Variants in COL21A1 observed in about 807,000 individuals in gnomAD.
COL21A1 encodes the protein collagen alpha-1(XXI) chain.
A neutral mutation model predicts 137.9 loss-of-function variants in COL21A1; 149 were observed. The observed-to-expected ratio is 1.08, with a 90% CI of 0.95 to 1.24. The LOEUF (loss-of-function observed/expected upper bound fraction) is 1.24, where lower values mean the gene tolerates loss of function less well. Ranked by LOEUF, COL21A1 falls within the 50% of genes most tolerant of loss-of-function variation. The pLI is 0.00. For synonymous variants in COL21A1, 456 were observed against 391.5 expected (o/e 1.16, Z -1.95); for missense variants, 1,167 against 1,158.4 (o/e 1.01, Z -0.11).
At chr6:56,267,384 C>T (rs1763415795) in intron 1 of COL21A1, among the ~76,000 whole-genome samples, 1 of 152,016 alleles carries the variant, frequency 6.6e-6, no homozygotes, top group South Asian at 2.1e-4. Context: ...AGAGATGAGC[C>T]CAGCAACTTG....
intron 9 of COL21A1, among the ~76,000 whole-genome samples, chr6:56,163,198 A>G (rs916363403): frequency 6.6e-6 from 1 of 152,252 alleles, no homozygotes; most frequent in Non-Finnish European, 1.5e-5. Context: ...AAAAATGATT[A>G]TGGTCGCTTC....
chr6:56,287,581 C>T (rs1482950240), intron 1 of COL21A1, among the ~76,000 whole-genome samples: 1 of 152,062 alleles, frequency 6.6e-6, no homozygotes, highest in African/African-American at 2.4e-5. Flanking sequence ...TTCCTCTTCG[C>T]CTTTACCATG....
chr6:56,186,270 G>A (rs558327724), intron 1 of COL21A1, among the ~76,000 whole-genome samples: 1 of 152,156 alleles, frequency 6.6e-6, no homozygotes, highest in South Asian at 2.1e-4. Flanking sequence ...TCAATTTATT[G>A]GTAGAGCATC....
At chr6:56,322,926 T>G (rs1444233934) in intron 1 of COL21A1, among the ~76,000 whole-genome samples, 2 of 148,148 alleles carry the variant, frequency 1.3e-5, no homozygotes, top group Non-Finnish European at 3.0e-5. Context: ...GAATACAAGT[T>G]TTAAATTTTC....
chr6:56,266,025 G>C (rs1279799729), intron 1 of COL21A1, among the ~76,000 whole-genome samples: 1 of 152,218 alleles, frequency 6.6e-6, no homozygotes, highest in African/African-American at 2.4e-5. Context: ...CTCTGTCCCA[G>C]TGCTTTTAAC....
At chr6:56,162,301 C>A (rs955535013) in intron 9 of COL21A1, among the ~76,000 whole-genome samples, 3 of 152,028 alleles carry the variant, frequency 2.0e-5, no homozygotes, top group Admixed American at 6.6e-5. Flanking sequence ...GAAAGCAGAT[C>A]AAAAAGGCAC....
intron 1 of COL21A1, among the ~76,000 whole-genome samples, chr6:56,318,153 A>C (rs1562053077): frequency 6.6e-6 from 1 of 152,152 alleles, no homozygotes; most frequent in Non-Finnish European, 1.5e-5. Flanking sequence ...TTTCATCACA[A>C]AAAAATGTTA....
Position 56,061,665 on chromosome 6 carries a change from T to A in COL21A1, c.2189A>T (p.His730Leu). The A allele has an allele frequency of 6.3e-7, 1 of 1,588,058 alleles. No homozygotes were observed. The highest frequency in any genetic ancestry group is 8.6e-7 in the Non-Finnish European group (1 of 1,161,772). Reference protein sequence around the residue: ...IPGQQGIQGHHGAKGERGEKG... With the variant: ...IPGQQGIQGHLGAKGERGEKG... The stretch of plus-strand genomic sequence containing the variant: ...GAAACATACCTCTCCTTTTGCACCA[T>A]GATGGCCTTGAATTCCCTTTGAAAA... The change falls in exon 25 of 30, where the codon CAT (histidine) becomes CTT (leucine). Residue 730 changes from histidine (H) to leucine (L), a missense_variant. His to Leu is a moderately conservative substitution (Grantham distance 99, BLOSUM62 -3). Transcript: ENST00000244728.
At chr6:56,122,164 A>G (rs1772604532) in intron 16 of COL21A1, among the ~76,000 whole-genome samples, 1 of 147,978 alleles carries the variant, frequency 6.8e-6, no homozygotes, top group Non-Finnish European at 1.5e-5. Flanking sequence ...CATATATTAC[A>G]TCTTTCCATT....
At chr6:56,181,050 A>C (rs1008085741) in intron 2 of COL21A1, among the ~76,000 whole-genome samples, 3 of 152,182 alleles carry the variant, frequency 2.0e-5, no homozygotes, top group African/African-American at 7.2e-5. Flanking sequence ...GACCTTCCAC[A>C]GTTAGGTTGC....
intron 3 of COL21A1, 83 bp downstream of exon 3, chr6:56,179,495 T>C (rs1203775452): frequency 1.1e-6 from 1 of 909,824 alleles, no homozygotes. Context: ...TTTACACCAG[T>C]GTTAATGAAG....
intron 24 of COL21A1, 73 bp downstream of exon 24, chr6:56,064,505 T>C: frequency 9.7e-7 from 1 of 1,026,552 alleles, no homozygotes; most frequent in South Asian, 1.4e-5. Context: ...TATTTGCAAG[T>C]AATCCTCTCT....
Position 56,057,649 on chromosome 6 carries a change from A to C in COL21A1, c.*8T>G. On this transcript the variant is annotated 3_prime_UTR_variant, in exon 30 of 30. Coordinates refer to ENST00000244728, the MANE Select transcript of COL21A1 (RefSeq NM_030820.4). ...CCATGCCTAGGCTGCTGAATGAGGC[A>C]TCAGACACTAATAGTTTGGTCCTTT... The C allele has an allele frequency of 6.2e-7, 1 of 1,612,378 alleles. No individual in the cohort carries two copies. Among genetic ancestry groups the C allele is most frequent in the African/African-American group, 1.3e-5 (1 of 74,978 alleles).
intron 1 of COL21A1, among the ~76,000 whole-genome samples, chr6:56,350,701 G>A (rs111682002): frequency 3.9e-5 from 6 of 152,282 alleles, no homozygotes; most frequent in African/African-American, 1.4e-4. Context: ...AGCATTGCCC[G>A]ATGTGTACCA....
At chr6:56,291,367 TG>T (rs1207855130) in intron 1 of COL21A1, among the ~76,000 whole-genome samples, 1 of 152,172 alleles carries the variant, frequency 6.6e-6, no homozygotes, top group Non-Finnish European at 1.5e-5. Context: ...GAAAAAAAAC[TG>T]CAAACTGGAA....
rs1763236999 is a variant in COL21A1 at position 56,260,643 on chromosome 6, GGA to G, written c.-38-77989_-38-77988del. On this transcript the variant is annotated intron_variant, in intron 1 of 28. Transcript: ENST00000370819. The stretch of plus-strand genomic sequence containing the variant: ...AGAGAGAGAGGAAGGAAGGAAGGAA[GGA>G]AGGAAGGAAGGAATGAAGGAAGGAA... Among the ~76,000 whole-genome samples the G allele has an allele frequency of 5.0e-4, 26 of 52,102 alleles. 1 individual carries two copies. The highest frequency in any genetic ancestry group is 8.7e-4 in the Non-Finnish European group (19 of 21,796). The allele number at this position is 52,102 out of a possible 152,430, so 34.2% of individuals were successfully genotyped here.
intron 10 of COL21A1, among the ~76,000 whole-genome samples, chr6:56,147,512 C>A (rs1276211414): frequency 1.3e-5 from 2 of 151,752 alleles, no homozygotes; most frequent in African/African-American, 4.8e-5. Context: ...TGAGTTCAAC[C>A]AGTTATCACC....
At chr6:56,316,329 G>A (rs996768377) in intron 1 of COL21A1, among the ~76,000 whole-genome samples, 2 of 151,854 alleles carry the variant, frequency 1.3e-5, no homozygotes, top group African/African-American at 4.8e-5. Context: ...TTGCTAACCA[G>A]TATTTTTGCA....
intron 1 of COL21A1, among the ~76,000 whole-genome samples, chr6:56,385,764 T>G (rs1346958594): frequency 6.6e-6 from 1 of 152,122 alleles, no homozygotes; most frequent in African/African-American, 2.4e-5. Flanking sequence ...CTGCTTTCTA[T>G]CTCTGTGAAT....
Sources: gnomAD v4.1 joint callset for allele counts (sites outside exome capture counted in the v4.1 genomes callset) on GRCh38, gnomAD v4.1.1 for gene constraint, MANE v1.5 for transcripts, NCBI Gene and HGNC (gene_info 2026-07-23, HGNC 2026-07-21) for gene names.